The following ZNF341 variants were observed in gnomAD, a reference collection of about 807,000 sequenced individuals.
ZNF341 encodes zinc finger protein 341.
A neutral mutation model predicts 87.7 loss-of-function variants in ZNF341; 52 were observed. The observed-to-expected ratio is 0.59, with a 90% CI of 0.47 to 0.75. ZNF341 has a LOEUF of 0.75. ZNF341 is among the 30% of genes least tolerant of loss of function. The pLI is 0.00. For synonymous variants in ZNF341, 459 were observed against 472.7 expected (o/e 0.97, Z 0.38); for missense variants, 977 against 1,145.9 (o/e 0.85, Z 2.13).
chr20:33,738,894 G>A (rs538044081), intron 1 of ZNF341, among the ~76,000 whole-genome samples: 66 of 152,336 alleles, frequency 4.3e-4, no homozygotes, highest in African/African-American at 1.5e-3. Flanking sequence ...GCGTCAGGAG[G>A]GACACAGCCT....
chr20:33,749,452 C>T (rs2019010214), intron 4 of ZNF341, among the ~76,000 whole-genome samples: 2 of 152,232 alleles, frequency 1.3e-5, no homozygotes, highest in South Asian at 4.2e-4. Context: ...GCCACCACAG[C>T]CAGCTAATTT....
intron 1 of ZNF341, among the ~76,000 whole-genome samples, chr20:33,739,388 C>T (rs1338089772): frequency 6.6e-6 from 1 of 152,182 alleles, no homozygotes; most frequent in Non-Finnish European, 1.5e-5. Context: ...GAGGAGGCAC[C>T]ATCTGGGTCT....
At chr20:33,740,724 G>A (rs887870352) in intron 1 of ZNF341, among the ~76,000 whole-genome samples, 178 bp from the exon 2 acceptor site, 1 of 152,066 alleles carries the variant, frequency 6.6e-6, no homozygotes, top group Non-Finnish European at 1.5e-5. Context: ...GCCTAGAATG[G>A]TCTTAAACTC....
chr20:33,753,523 G>C, intron 5 of ZNF341, 100 bp downstream of exon 5: 1 of 1,422,708 alleles, frequency 7.0e-7, no homozygotes, highest in Non-Finnish European at 9.2e-7. Flanking sequence ...CACTGTGCTG[G>C]GGATACCATG....
chr20:33,780,351 G>A (rs2019715628), intron 10 of ZNF341, among the ~76,000 whole-genome samples: 1 of 152,150 alleles, frequency 6.6e-6, no homozygotes, highest in African/African-American at 2.4e-5. Flanking sequence ...ACAGGGCCTT[G>A]TAGGCCAAGG....
chr20:33,761,784 C>T (rs1284721871), intron 7 of ZNF341, 78 bp from the exon 8 acceptor site: 3 of 1,269,622 alleles, frequency 2.4e-6, no homozygotes, highest in South Asian at 2.1e-5. Flanking sequence ...TCTGGGCCTT[C>T]CTTGTGGCTG....
intron 4 of ZNF341, among the ~76,000 whole-genome samples, 192 bp from the exon 5 acceptor site, chr20:33,752,980 G>A (rs776100859): frequency 6.6e-6 from 1 of 152,152 alleles, no homozygotes; most frequent in Non-Finnish European, 1.5e-5. Flanking sequence ...AAAAGGGATA[G>A]CAGCACCAAG....
In ZNF341 at chr20:33,764,543, G is replaced by GTATATATATATA. The variant is rs1171402724; in HGVS notation, c.1223-2300_1223-2289dup. On this transcript the variant is annotated intron_variant, in intron 8 of 14. Transcript: ENST00000375200. ...TATATATATGTGTGTGTGTGTATGT[G>GTATATATATATA]TATATATATATATATATATTTTTTT... 5.5e-3 allele frequency among the ~76,000 whole-genome samples: 378 copies of GTATATATATATA among 69,242 alleles called. 6 individuals are homozygous for GTATATATATATA. Among genetic ancestry groups the GTATATATATATA allele is most frequent in the East Asian group, 0.029 (23 of 790 alleles). The allele number at this position is 69,242 out of a possible 152,430, so 45.4% of individuals were successfully genotyped here.
intron 10 of ZNF341, among the ~76,000 whole-genome samples, chr20:33,775,500 T>G (rs1188506624): frequency 6.7e-6 from 1 of 150,204 alleles, no homozygotes; most frequent in African/African-American, 2.4e-5. Flanking sequence ...TGAGCCACCG[T>G]GCCCGGCCTT....
chr20:33,752,481 C>A, intron 4 of ZNF341: 3 of 531,238 alleles, frequency 5.6e-6, no homozygotes, highest in South Asian at 1.6e-5. Context: ...ATTCTCAGGT[C>A]ACCACCTCAT....
At chr20:33,764,543 G>GTATGTATATATA (rs2019360686) in intron 8 of ZNF341, among the ~76,000 whole-genome samples, 3 of 69,336 alleles carry the variant, frequency 4.3e-5, no homozygotes, top group East Asian at 1.3e-3. Flanking sequence ...GTGTGTATGT[G>GTATGTATATATA]TATATATATA....
chr20:33,774,456 G>A (rs1035031672), intron 10 of ZNF341, among the ~76,000 whole-genome samples: 1 of 152,130 alleles, frequency 6.6e-6, no homozygotes, highest in African/African-American at 2.4e-5. Context: ...ACCTCTTGGT[G>A]GATATCCTTT....
At chr20:33,764,563 T>TATATATATATATA (rs2019365740) in intron 8 of ZNF341, among the ~76,000 whole-genome samples, 2 of 48,830 alleles carry the variant, frequency 4.1e-5, no homozygotes, top group African/African-American at 1.8e-4. Flanking sequence ...ATATATATAT[T>TATATATATATATA]TTTTTTTTTT....
intron 10 of ZNF341, among the ~76,000 whole-genome samples, chr20:33,778,723 C>T (rs1470409634): frequency 2.6e-5 from 4 of 152,176 alleles, no homozygotes; most frequent in Non-Finnish European, 5.9e-5. Context: ...ACAGGCAGTA[C>T]TCTACACAGC....
Position 33,761,982 on chromosome 20 carries a change from C to T in ZNF341, c.1149C>T (p.Thr383=), listed in dbSNP as rs780151851. The T allele has an allele frequency of 8.4e-5, 135 of 1,606,166 alleles. No homozygotes were observed. The highest frequency in any genetic ancestry group is 9.9e-5 in the Non-Finnish European group (116 of 1,174,468). Residue 383 remains threonine, a synonymous_variant, in exon 8 of 15, where the codon ACC becomes ACT. Transcript: ENST00000375200. ...GGCCTCCAGGACACAGTGGTGGCAC[C>T]GTGTCTCGAAACTCTGTGACCGTAC... ...KVWPPGHSGG[T]VSRNSVTVQV...
chr20:33,790,638 C>G (rs2122750218), intron 14 of ZNF341, among the ~76,000 whole-genome samples: 1 of 152,306 alleles, frequency 6.6e-6, no homozygotes, highest in South Asian at 2.1e-4. Flanking sequence ...GGGTTGGAGT[C>G]TTAGTGCTGC....
chr20:33,768,139 C>A (rs2122700769), intron 9 of ZNF341, among the ~76,000 whole-genome samples: 1 of 151,492 alleles, frequency 6.6e-6, no homozygotes, highest in African/African-American at 2.4e-5. Flanking sequence ...TTTTTTTTCC[C>A]CCCGAGGCAG....
At chr20:33,768,782 T>C (rs1421617954) in intron 9 of ZNF341, among the ~76,000 whole-genome samples, 9 of 151,978 alleles carry the variant, frequency 5.9e-5, no homozygotes, top group Admixed American at 5.9e-4. Context: ...TTCACTTTTT[T>C]AGGTAGAAGG....
chr20:33,764,234 A>T (rs574150943), intron 8 of ZNF341, among the ~76,000 whole-genome samples: 1 of 150,138 alleles, frequency 6.7e-6, no homozygotes, highest in South Asian at 2.1e-4. Flanking sequence ...TCACTGTGTT[A>T]GCCAGGATGG....
Sources: gnomAD v4.1 joint callset for allele counts (sites outside exome capture counted in the v4.1 genomes callset) on GRCh38, gnomAD v4.1.1 for gene constraint, MANE v1.5 for transcripts, NCBI Gene and HGNC (gene_info 2026-07-23, HGNC 2026-07-21) for gene names.